The following SH2B2 variants were observed in gnomAD, a reference collection of about 807,000 sequenced individuals.
The protein encoded by SH2B2 is SH2B adapter protein 2.
Under a neutral mutation model 35.7 loss-of-function variants are expected in SH2B2, and 37 were observed. The observed-to-expected ratio is 1.04, with a 90% CI of 0.80 to 1.36. The LOEUF is 1.36. Among genes scored for constraint, SH2B2 ranks in the 40% most tolerant of loss-of-function variants. SH2B2 has a pLI of 0.00. For missense variants in SH2B2, 852 were observed against 817.7 expected (o/e 1.04, Z -0.51); for synonymous variants, 383 against 376.4 (o/e 1.02, Z -0.20).
In SH2B2 at chr7:102,321,449, C is replaced by A. The variant is rs1487343614; in HGVS notation, c.1718C>A (p.Ser573Ter). ...AAGASSSSAS[S>*]SSAASGPAPP... ...GGCGCCTCCTCGTCTTCCGCCTCGT[C>A]GTCCTCTGCCGCGTCGGGGCCCGCC... Residue 573 changes from serine (S) to a stop codon, truncating the protein, a stop_gained, in exon 9 of 9, where the codon TCG becomes TAG. Transcript: ENST00000444095. LOFTEE classifies it low-confidence loss of function (END_TRUNC). 2.4e-6 allele frequency: 3 copies of A among 1,250,448 alleles called. No homozygotes were observed. The highest frequency in any genetic ancestry group is 3.0e-6 in the Non-Finnish European group (3 of 994,124). The allele number at this position is 1,250,448 out of a possible 1,614,324, so 77.5% of individuals were successfully genotyped here. A position where few individuals can be genotyped will look rare whatever the true frequency, so the allele number is the denominator to read the frequency against.
chr7:102,286,107 G>T (rs781823820), upstream of SH2B2, among the ~76,000 whole-genome samples: 20 of 152,240 alleles, frequency 1.3e-4, no homozygotes, highest in Non-Finnish European at 2.6e-4. Flanking sequence ...CAGGGGTGAG[G>T]AAGGTGCCAG....
Position 102,306,750 on chromosome 7 carries a change from G to T in SH2B2, c.759G>T (p.Leu253=). 6.2e-7 allele frequency: 1 copy of T among 1,600,250 alleles called. No individual in the cohort carries two copies. The highest frequency in any genetic ancestry group is 8.5e-7 in the Non-Finnish European group (1 of 1,173,756). Residue 253 remains leucine (L), a synonymous_variant, in exon 3 of 9, where the codon CTG becomes CTT. Transcript: ENST00000444095. ...CCAGGCCCAAGGTCAGCATCCCACT[G>T]TCAGCCATCATTGAGGTCCGCACCA... ...KASRPKVSIP[L]SAIIEVRTTM...
At chr7:102,291,656 A>C (rs1792676268) in intron 1 of SH2B2, among the ~76,000 whole-genome samples, 1 of 151,826 alleles carries the variant, frequency 6.6e-6, no homozygotes, top group Admixed American at 6.6e-5. Context: ...CTGGGAGGGG[A>C]GAGTTGGGGA....
In SH2B2 at chr7:102,292,312, C is replaced by T. The variant is rs953197863; in HGVS notation, c.-30+5218C>T. On this transcript the variant is annotated intron_variant, in intron 1 of 8. Coordinates refer to ENST00000444095, the MANE Select transcript of SH2B2 (RefSeq NM_001359228.2). Reference sequence around the variant, plus strand: ...TTGGGAAGCTGAGGTGGGCGGATCACCTGAGGTCGGAAGTTCGAGACCAGC... The same window carrying T: ...TTGGGAAGCTGAGGTGGGCGGATCATCTGAGGTCGGAAGTTCGAGACCAGC... 3.3e-5 allele frequency among the ~76,000 whole-genome samples: 5 copies of T among 152,118 alleles called. No individual in the cohort carries two copies. In the East Asian group the frequency reaches 9.6e-4, roughly 29 times the overall value.
chr7:102,320,081 G>A (rs782571491), intron 7 of SH2B2, among the ~76,000 whole-genome samples: 8 of 152,188 alleles, frequency 5.3e-5, no homozygotes, highest in Non-Finnish European at 1.0e-4. Flanking sequence ...GAGATTATAG[G>A]TGTGTAGGGC....
In SH2B2 at chr7:102,297,807, A is replaced by G. The variant is rs1476390647; in HGVS notation, c.-29-2715A>G. 6.6e-6 allele frequency among the ~76,000 whole-genome samples: 1 copy of G among 152,116 alleles called. No individual in the cohort carries two copies. The highest frequency in any genetic ancestry group is 1.5e-5 in the Non-Finnish European group (1 of 68,010). ...TGGCATTCTCGGGGGAAGGGGGTGGAGGGGACACACAACCAAGCAACTAAA... is the reference window on the plus strand; with the variant it reads ...TGGCATTCTCGGGGGAAGGGGGTGGGGGGGACACACAACCAAGCAACTAAA... On this transcript the variant is annotated intron_variant, in intron 1 of 8. Transcript: ENST00000444095. The surrounding 1 kb of genome is among the most constrained non-coding windows in gnomAD (Gnocchi z 4.3).
In SH2B2 at chr7:102,308,260, G is replaced by A. The variant is rs528708699; in HGVS notation, c.832-555G>A. Among the ~76,000 whole-genome samples, 37 of 152,340 alleles carry A rather than the reference G, an allele frequency of 2.4e-4. 1 individual carries two copies. The highest frequency in any genetic ancestry group is 3.4e-3 in the Middle Eastern group (1 of 294). On this transcript the variant is annotated intron_variant, in intron 3 of 8. Coordinates refer to ENST00000444095, the MANE Select transcript of SH2B2 (RefSeq NM_001359228.2). ...GGGAAATGGCTCCTCTCCCTCACAGGGCCGTTGGGAGGAGTTGAGCAGAAT... is the reference window on the plus strand; with the variant it reads ...GGGAAATGGCTCCTCTCCCTCACAGAGCCGTTGGGAGGAGTTGAGCAGAAT...
chr7:102,310,005 T>C (rs1793556159), intron 4 of SH2B2, among the ~76,000 whole-genome samples: 1 of 151,916 alleles, frequency 6.6e-6, no homozygotes, highest in African/African-American at 2.4e-5. Context: ...ATCCTAACTC[T>C]TAAAAAATAA....
intron 1 of SH2B2, among the ~76,000 whole-genome samples, chr7:102,287,495 G>C (rs1285046009): frequency 6.6e-6 from 1 of 152,170 alleles, no homozygotes; most frequent in Non-Finnish European, 1.5e-5. Context: ...GCTGGGAGGG[G>C]GCGTCAACCT....
rs370211226 is a variant in SH2B2 at position 102,300,536 on chromosome 7, G to T, written c.-15G>T. 1.1e-5 allele frequency: 17 copies of T among 1,537,718 alleles called. No homozygotes were observed. The highest frequency in any genetic ancestry group is 1.4e-5 in the Non-Finnish European group (16 of 1,143,842). ...CTCGCCCGAAGCCGCAGGTGGCTGC[G>T]ATGGGACGGAAGCCATGAATGGTGC... On this transcript the variant is annotated 5_prime_UTR_variant, in exon 2 of 9. Transcript: ENST00000444095.
upstream of SH2B2, among the ~76,000 whole-genome samples, chr7:102,285,978 C>G (rs1295987093): frequency 6.6e-6 from 1 of 152,210 alleles, no homozygotes; most frequent in Admixed American, 6.5e-5. Flanking sequence ...CCTCCCAGAG[C>G]CCCCGCGCTG....
chr7:102,301,541 TGTGTGTGTGTGTGTGTCC>T (rs1411302804), intron 2 of SH2B2, among the ~76,000 whole-genome samples: 5 of 148,348 alleles, frequency 3.4e-5, no homozygotes, highest in East Asian at 2.0e-4. Flanking sequence ...TCTTTTCGTG[TGTGTGTGTGTGTGTGTCC>T]GTGTGTGTGT....
chr7:102,292,090 C>T (rs897830358), intron 1 of SH2B2, among the ~76,000 whole-genome samples: 1 of 152,118 alleles, frequency 6.6e-6, no homozygotes, highest in African/African-American at 2.4e-5. Flanking sequence ...CATGAGAAGG[C>T]ATGGCTGGGC....
At chr7:102,285,226 A>G, upstream of SH2B2, 2 of 1,551,178 alleles carry the variant, frequency 1.3e-6, no homozygotes, top group Non-Finnish European at 1.7e-6. Context: ...CTATCATCCC[A>G]GCAGTGGAGT....
intron 6 of SH2B2, 183 bp from the exon 7 acceptor site, chr7:102,317,004 A>G (rs1793856662): frequency 3.6e-6 from 2 of 557,446 alleles, no homozygotes; most frequent in East Asian, 6.1e-5. Context: ...CCTGGGCGAC[A>G]AGAGCGAAAC....
rs1554555358 is a variant in SH2B2, at chr7:102,308,798, G to A, written c.832-17G>A. ...CTGCTGACCGTGTTCTGCACTCCCG[G>A]CCACCTTCCTCCCCAGGTAGAGAAT... On this transcript the variant is annotated splice_polypyrimidine_tract_variant and intron_variant, in intron 3 of 8. Transcript: ENST00000444095. The A allele has an allele frequency of 1.9e-6, 3 of 1,608,052 alleles. No homozygotes were observed. The highest frequency in any genetic ancestry group is 2.6e-6 in the Non-Finnish European group (3 of 1,174,848).
intron 4 of SH2B2, among the ~76,000 whole-genome samples, chr7:102,312,401 A>G (rs1272748509): frequency 6.6e-6 from 1 of 152,206 alleles, no homozygotes; most frequent in African/African-American, 2.4e-5. Flanking sequence ...GAAATGGTCC[A>G]TTTTTATGCT....
chr7:102,297,394 T>TACACACAC lies in SH2B2; in HGVS notation c.-29-3099_-29-3092dup, dbSNP rs3988122. Among the ~76,000 whole-genome samples, 118 of 144,550 alleles carry TACACACAC rather than the reference T, an allele frequency of 8.2e-4. No individual in the cohort carries two copies. Among genetic ancestry groups the TACACACAC allele is most frequent in the Middle Eastern group, 3.6e-3 (1 of 280 alleles). The allele number at this position is 144,550 out of a possible 152,430, so 94.8% of individuals were successfully genotyped here. On this transcript the variant is annotated intron_variant, in intron 1 of 8. Coordinates refer to ENST00000444095, the MANE Select transcript of SH2B2 (RefSeq NM_001359228.2). This position sits in a 1 kb window ranked among gnomAD's most constrained non-coding sequence, Gnocchi z 4.3. The stretch of plus-strand genomic sequence containing the variant: ...CATCAATAGAGTGAGATCCCATCTC[T>TACACACAC]ACACACACACACACACACACACACA...
At chr7:102,314,722 C>T (rs1206046131) in intron 6 of SH2B2, 40 bp downstream of exon 6, 2 of 398,700 alleles carry the variant, frequency 5.0e-6, no homozygotes, top group Non-Finnish European at 8.8e-6. Flanking sequence ...TCCCACCTCT[C>T]CTGGACCCCC....
Sources: gnomAD v4.1 joint callset for allele counts (sites outside exome capture counted in the v4.1 genomes callset) on GRCh38, gnomAD v4.1.1 for gene constraint, Gnocchi (gnomAD v3.1) non-coding constraint, MANE v1.5 for transcripts, NCBI Gene and HGNC (gene_info 2026-07-23, HGNC 2026-07-21) for gene names.